Variants in CNTNAP2 observed in about 807,000 individuals in gnomAD.
CNTNAP2 encodes contactin associated protein 2, also known as contactin-associated protein-like 2.
Under a neutral mutation model 155.2 loss-of-function variants are expected in CNTNAP2, and 98 were observed. The observed-to-expected ratio is 0.63, with a 90% CI of 0.54 to 0.75. The LOEUF is 0.75. CNTNAP2 is among the 30% of genes least tolerant of loss of function. The pLI is 0.00. For missense variants in CNTNAP2, 1,727 were observed against 1,688.1 expected, an observed-to-expected ratio of 1.02 and a Z score of -0.40; for synonymous variants, 651 against 631.2, an observed-to-expected ratio of 1.03 and a Z score of -0.47.
chr7:146,975,063 T>C (rs1315057613), intron 3 of CNTNAP2, among the ~76,000 whole-genome samples: 1 of 152,162 alleles, frequency 6.6e-6, no homozygotes, highest in African/African-American at 2.4e-5. Flanking sequence ...TCGCAAATAG[T>C]TGTTTGAAGT....
intron 10 of CNTNAP2, among the ~76,000 whole-genome samples, chr7:147,440,036 T>C: frequency 6.6e-6 from 1 of 152,044 alleles, no homozygotes; most frequent in East Asian, 1.9e-4. Flanking sequence ...CTTCTTTTCA[T>C]TGGAGAGTTT....
chr7:147,540,240 C>T (rs1799614849), intron 11 of CNTNAP2, among the ~76,000 whole-genome samples: 1 of 152,090 alleles, frequency 6.6e-6, no homozygotes. Context: ...GAGTGTCACT[C>T]CAGACCCCCC....
rs10708483 is a variant in CNTNAP2, at chr7:147,947,454, CAAAAA to C, written c.2256-30388_2256-30384del. On this transcript the variant is annotated intron_variant, in intron 14 of 23. Transcript: ENST00000361727. ...CCAACATAGGGAGACCCTGTCTCTA[CAAAAA>C]AAAAAAAAAAAAAAAAAAATTAGTT... is the stretch of plus-strand genomic sequence containing the variant. Among the ~76,000 whole-genome samples the C allele has an allele frequency of 4.9e-4, 39 of 80,270 alleles. 1 individual carries two copies. Among genetic ancestry groups the C allele is most frequent in the African/African-American group, 1.1e-3 (23 of 21,716 alleles). The allele number at this position is 80,270 out of a possible 152,430, so 52.7% of individuals were successfully genotyped here.
At chr7:146,502,665 G>T (rs1797322863) in intron 1 of CNTNAP2, among the ~76,000 whole-genome samples, 1 of 152,062 alleles carries the variant, frequency 6.6e-6, no homozygotes, top group Non-Finnish European at 1.5e-5. Context: ...AGGCTGGAGT[G>T]CAATGGCGCA....
chr7:146,944,271 G>A (rs547802911), intron 3 of CNTNAP2, among the ~76,000 whole-genome samples: 4 of 144,848 alleles, frequency 2.8e-5, no homozygotes, highest in African/African-American at 1.0e-4. Flanking sequence ...TTTTCAATAC[G>A]TTTATTTTTA....
At chr7:146,672,682 C>A (rs1800331212) in intron 1 of CNTNAP2, among the ~76,000 whole-genome samples, 1 of 152,104 alleles carries the variant, frequency 6.6e-6, no homozygotes, top group South Asian at 2.1e-4. Context: ...GAGTAAAAAG[C>A]CATAGTTTTA....
intron 1 of CNTNAP2, among the ~76,000 whole-genome samples, chr7:146,249,001 C>G (rs528523425): frequency 6.6e-6 from 1 of 152,016 alleles, no homozygotes; most frequent in Non-Finnish European, 1.5e-5. Context: ...TGTTCCCTGG[C>G]GGTCAGAGTG....
intron 8 of CNTNAP2, among the ~76,000 whole-genome samples, chr7:147,169,441 T>C (rs1469442668): frequency 6.6e-6 from 1 of 152,142 alleles, no homozygotes; most frequent in African/African-American, 2.4e-5. Flanking sequence ...CTTTCCCCTC[T>C]CTAGTACTCT....
At chr7:147,608,761 A>G (rs1801122609) in intron 12 of CNTNAP2, among the ~76,000 whole-genome samples, 1 of 152,206 alleles carries the variant, frequency 6.6e-6, no homozygotes, top group South Asian at 2.1e-4. Flanking sequence ...TGTGAGCAGC[A>G]AGGCTGTTTA....
intron 8 of CNTNAP2, among the ~76,000 whole-genome samples, chr7:147,181,346 A>G (rs1240828455): frequency 2.0e-5 from 3 of 152,200 alleles, no homozygotes; most frequent in Non-Finnish European, 4.4e-5. Context: ...GCATATTTTA[A>G]AGATTAGAAT....
chr7:146,435,141 A>C (rs1240688037), intron 1 of CNTNAP2, among the ~76,000 whole-genome samples: 4 of 152,180 alleles, frequency 2.6e-5, no homozygotes, highest in African/African-American at 9.7e-5. Flanking sequence ...GGGTTAATTA[A>C]CTTGCTTTTG....
chr7:147,937,852 A>G (rs934769806), intron 14 of CNTNAP2, among the ~76,000 whole-genome samples: 1 of 152,282 alleles, frequency 6.6e-6, no homozygotes, highest in East Asian at 1.9e-4. Context: ...TTTGAATTGG[A>G]GACTCAAATT....
intron 11 of CNTNAP2, among the ~76,000 whole-genome samples, chr7:147,506,508 G>A (rs1798909214): frequency 6.6e-6 from 1 of 152,128 alleles, no homozygotes; most frequent in Admixed American, 6.5e-5. Context: ...ACCTGCCTCG[G>A]CCTCCCAAAA....
At position 146,995,341 on chromosome 7, in the gene CNTNAP2, G is replaced by T. The variant is rs911285808; in HGVS notation, c.403-48566G>T. On this transcript the variant is annotated intron_variant, in intron 3 of 23. Transcript: ENST00000361727. ...CAACATAATGACTTTATTTCCTTTG[G>T]ATCTATACCATTAACAAAAGTGTTA... Among the ~76,000 whole-genome samples the T allele has an allele frequency of 3.3e-5, 5 of 151,894 alleles. No homozygotes were observed. The South Asian group carries it at 1.0e-3, about 31-fold the overall frequency.
At chr7:147,605,790 A>G (rs1004517320) in intron 12 of CNTNAP2, among the ~76,000 whole-genome samples, 10 of 152,114 alleles carry the variant, frequency 6.6e-5, no homozygotes, top group African/African-American at 2.4e-4. Context: ...GTTCTCCTTC[A>G]GTTCAAGGCA....
In CNTNAP2 at chr7:147,103,700, C is replaced by G. The variant is rs548221837; in HGVS notation, c.551-4447C>G. 3.3e-5 allele frequency among the ~76,000 whole-genome samples: 5 copies of G among 151,044 alleles called. No individual in the cohort carries two copies. In the East Asian group the frequency reaches 9.7e-4, roughly 29 times the overall value. ...TCTTTAATTTTGTTTCCTTTTTTCT[C>G]TAAAAATCTATATAATTTTTTACCT... On this transcript the variant is annotated intron_variant, in intron 4 of 23. Coordinates refer to ENST00000361727, the MANE Select transcript of CNTNAP2 (RefSeq NM_014141.6).
chr7:146,799,652 G>A (rs1802838457), intron 2 of CNTNAP2, among the ~76,000 whole-genome samples: 1 of 152,180 alleles, frequency 6.6e-6, no homozygotes, highest in African/African-American at 2.4e-5. Flanking sequence ...TACTCTGCAA[G>A]CGTATGACTA....
intron 14 of CNTNAP2, among the ~76,000 whole-genome samples, chr7:147,925,714 G>A (rs2116789885): frequency 6.6e-6 from 1 of 152,310 alleles, no homozygotes; most frequent in Non-Finnish European, 1.5e-5. Context: ...ACCCGCCTCG[G>A]CCTCCCAAAG....
intron 1 of CNTNAP2, among the ~76,000 whole-genome samples, chr7:146,283,393 G>C (rs1023722167): frequency 6.6e-6 from 1 of 151,942 alleles, no homozygotes; most frequent in Admixed American, 6.6e-5. Context: ...TTTTTAACAA[G>C]GTCTTGCTCT....
Sources: allele counts gnomAD v4.1 joint callset (sites outside exome capture counted in the v4.1 genomes callset), GRCh38; gene constraint gnomAD v4.1.1; transcripts MANE v1.5; gene names NCBI Gene and HGNC (gene_info 2026-07-23, HGNC 2026-07-21).